The following NCAPG2 variants were observed in gnomAD, a reference collection of about 807,000 sequenced individuals.
NCAPG2 encodes the protein non-SMC condensin II complex subunit G2, also known as condensin-2 complex subunit G2.
A neutral mutation model predicts 141.1 loss-of-function variants in NCAPG2; 53 were observed. That is an observed-to-expected ratio of 0.38 (90% CI 0.30 to 0.47). The LOEUF (loss-of-function observed/expected upper bound fraction) is 0.47, where lower values mean the gene tolerates loss of function less well. Ranked by LOEUF, NCAPG2 falls within the 20% of genes least tolerant of loss-of-function variation. The pLI is 0.99. For missense variants in NCAPG2, 1,087 were observed against 1,389.0 expected, an observed-to-expected ratio of 0.78 and a Z score of 3.46; for synonymous variants, 499 against 490.7, an observed-to-expected ratio of 1.02 and a Z score of -0.22.
chr7:158,668,331 C>CCCTTACCCACAACTGGGTCCCTCTGCCCT (rs1833410164), intron 13 of NCAPG2: 1 of 680,724 alleles, frequency 1.5e-6, no homozygotes. Flanking sequence ...CCTCCGCCCT[C>CCCTTACCCACAACTGGGTCCCTCTGCCCT]CCTTACCCAC....
rs2129457734 is a variant in NCAPG2, at chr7:158,646,556, T to C, written c.3083A>G (p.Asp1028Gly). The part of the protein sequence containing the change: ...EISHQLRKVS[D>G]VEELTPPEHL... The stretch of plus-strand genomic sequence containing the variant: ...CTCTGGAGGGGTAAGCTCTTCTACG[T>C]CAGAAACCTAAAAAAGTTCCAAATC... The change falls in exon 25 of 28, where the codon GAC becomes GGC. Residue 1028 changes from aspartate (D) to glycine (G), a missense_variant. Transcript: ENST00000356309. The C allele has an allele frequency of 1.3e-6, 2 of 1,571,648 alleles. No homozygotes were observed. The highest frequency in any genetic ancestry group is 2.4e-5 in the South Asian group (2 of 84,242).
intron 6 of NCAPG2, among the ~76,000 whole-genome samples, chr7:158,689,198 T>C (rs1044381735): frequency 2.6e-5 from 4 of 152,252 alleles, no homozygotes; most frequent in Admixed American, 2.6e-4. Flanking sequence ...CAATATTTAA[T>C]ATAACAGACA....
At chr7:158,671,408 A>T (rs1417446951) in intron 13 of NCAPG2, 106 bp downstream of exon 13, 1 of 1,328,272 alleles carries the variant, frequency 7.5e-7, no homozygotes, top group African/African-American at 1.5e-5. Context: ...TGGTCAAATC[A>T]TATCAGTTAT....
chr7:158,674,936 T>C (rs538695725), intron 12 of NCAPG2, among the ~76,000 whole-genome samples: 2 of 152,304 alleles, frequency 1.3e-5, no homozygotes, highest in South Asian at 4.1e-4. Flanking sequence ...CTCCCTCTGG[T>C]TCATTCCACA....
chr7:158,689,950 C>T lies in NCAPG2; in HGVS notation c.541G>A (p.Ala181Thr). 6.4e-7 allele frequency: 1 copy of T among 1,555,358 alleles called. No homozygotes were observed. The highest frequency in any genetic ancestry group is 8.6e-7 in the Non-Finnish European group (1 of 1,156,460). ...ATACGCCAAAGCCGACATACGTCTG[C>T]ACCCTAGGAATGACACAAAAAATGT... ...LRRSLETKTG[A>T]DVCRLWRIHQ... Residue 181 changes from alanine (A) to threonine (T), a missense_variant, in exon 6 of 28, where the codon GCA becomes ACA. Coordinates refer to ENST00000356309, the MANE Select transcript of NCAPG2 (RefSeq NM_017760.7).
At chr7:158,689,734 G>A (rs1157510796) in intron 6 of NCAPG2, 85 bp downstream of exon 6, 2 of 1,289,482 alleles carry the variant, frequency 1.6e-6, no homozygotes, top group Middle Eastern at 2.0e-4. Context: ...ACCGAGCATG[G>A]TGCAGACAGG....
chr7:158,661,421 G>C (rs1370625767), intron 16 of NCAPG2, among the ~76,000 whole-genome samples: 1 of 152,046 alleles, frequency 6.6e-6, no homozygotes, highest in African/African-American at 2.4e-5. Context: ...GAATGAGAAG[G>C]TCCTGCATGC....
intron 13 of NCAPG2, among the ~76,000 whole-genome samples, chr7:158,667,405 CTCCTTACCCACTACT>C (rs1833121458): frequency 4.3e-5 from 2 of 46,442 alleles, no homozygotes; most frequent in Non-Finnish European, 5.6e-5. Context: ...TCCCTCCGCC[CTCCTTACCCACTACT>C]GGGTCCCTCC....
Position 158,683,327 on chromosome 7 carries a change from C to T in NCAPG2, c.897G>A (p.Arg299=). The change falls in exon 9 of 28, where the codon AGG becomes AGA. Residue 299 remains arginine (R), a synonymous_variant. Transcript: ENST00000356309. ...CCCGCACTTTGGAATGCACTGGAGA[C>T]CTCCTCGGAAGGTGTATCCCGTGGA... ...FMFHGIHLPR[R]SPVHSKVREV... is the part of the protein sequence containing the mutation. 2 of 1,604,356 alleles carry T rather than the reference C, an allele frequency of 1.2e-6. No homozygotes were observed. Among genetic ancestry groups the T allele is most frequent in the Middle Eastern group, 1.7e-4 (1 of 6,040 alleles).
In NCAPG2 at chr7:158,656,343, T is replaced by C. The variant is rs745757103; in HGVS notation, c.2305A>G (p.Thr769Ala). ...LALVYIEYLL[T>A]HPKNRECLLS... ...AAGCACTCGCGGTTCTTTGGATGAG[T>C]CAGCAGATACTCAATGTAGACCAAT... The change falls in exon 19 of 28, where the codon ACT (threonine) becomes GCT (alanine). Residue 769 changes from threonine to alanine, a missense_variant. By Grantham distance (58) the Thr-to-Ala change is moderately conservative. Coordinates refer to ENST00000356309, the MANE Select transcript of NCAPG2 (RefSeq NM_017760.7). The C allele has an allele frequency of 6.2e-7, 1 of 1,614,116 alleles. No individual in the cohort carries two copies. Among genetic ancestry groups the C allele is most frequent in the East Asian group, 2.2e-5 (1 of 44,882 alleles).
At chr7:158,666,116 C>T (rs1832912870) in intron 13 of NCAPG2, among the ~76,000 whole-genome samples, 1 of 152,158 alleles carries the variant, frequency 6.6e-6, no homozygotes, top group Non-Finnish European at 1.5e-5. Context: ...CTGACTGAAG[C>T]CTTGGAAATT....
chr7:158,657,665 A>T (rs532976026), intron 17 of NCAPG2, among the ~76,000 whole-genome samples: 3 of 152,344 alleles, frequency 2.0e-5, no homozygotes, highest in Non-Finnish European at 4.4e-5. Context: ...TCAACAGCTC[A>T]TTGAGAACAA....
In NCAPG2 at chr7:158,701,469, TG is replaced by T. The variant is rs1319968260; in HGVS notation, c.78+352del. On this transcript the variant is annotated intron_variant, in intron 2 of 27. Coordinates refer to ENST00000356309, the MANE Select transcript of NCAPG2 (RefSeq NM_017760.7). ...AAGATAAAGTCTGAATTCCTTAAAA[TG>T]GTAAAGACTCGTGTAGCCTAGCCCC... Among the ~76,000 whole-genome samples the T allele has an allele frequency of 2.0e-5, 3 of 152,200 alleles. No homozygotes were observed. The East Asian group carries it at 5.8e-4, about 29-fold the overall frequency.
At chr7:158,689,207 C>T (rs1563572925) in intron 6 of NCAPG2, among the ~76,000 whole-genome samples, 5 of 152,068 alleles carry the variant, frequency 3.3e-5, no homozygotes. Flanking sequence ...ATATAACAGA[C>T]AATAAAAATA....
In NCAPG2 at chr7:158,672,284, GTGTGTGTGTATATATATATATA is replaced by G. The variant is rs1377852793; in HGVS notation, c.1327-640_1327-619del. Among the ~76,000 whole-genome samples the G allele has an allele frequency of 5.1e-3, 363 of 70,718 alleles. 12 individuals carry two copies. Among genetic ancestry groups the G allele is most frequent in the African/African-American group, 0.017 (274 of 15,730 alleles). The allele number at this position is 70,718 out of a possible 152,430, so 46.4% of individuals were successfully genotyped here. A position where few individuals can be genotyped will look rare whatever the true frequency, so the allele number is the denominator to read the frequency against. ...TATACGGTATTCCAAACACATGTGT[GTGTGTGTGTATATATATATATA>G]TATATATATATATATATATATATTT... On this transcript the variant is annotated intron_variant, in intron 12 of 27. Transcript: ENST00000356309.
Position 158,697,138 on chromosome 7 carries a change from T to A in NCAPG2, c.79-3641A>T, listed in dbSNP as rs575395706. ...CTTCAAGAGAAATTCCTGAAGGCAA[T>A]GTTATCATAGGAGATGAGATGACAG... On this transcript the variant is annotated intron_variant, in intron 2 of 27. Coordinates refer to ENST00000356309, the MANE Select transcript of NCAPG2 (RefSeq NM_017760.7). Among the ~76,000 whole-genome samples the A allele has an allele frequency of 1.6e-4, 24 of 152,288 alleles. 1 individual carries two copies. Among genetic ancestry groups the A allele is most frequent in the African/African-American group, 5.3e-4 (22 of 41,546 alleles).
At chr7:158,643,512 T>G (rs771167518) in intron 27 of NCAPG2, among the ~76,000 whole-genome samples, 1 of 152,224 alleles carries the variant, frequency 6.6e-6, no homozygotes, top group Admixed American at 6.5e-5. Flanking sequence ...GAGCATTAAG[T>G]GTATTGTGTC....
At chr7:158,636,024 T>C (rs1830171987) in intron 27 of NCAPG2, among the ~76,000 whole-genome samples, 2 of 152,154 alleles carry the variant, frequency 1.3e-5, no homozygotes, top group African/African-American at 4.8e-5. Context: ...CATATTTAAG[T>C]AAGAAGCCAA....
Position 158,652,558 on chromosome 7 carries a change from CAT to C in NCAPG2, c.2747-80_2747-79del, listed in dbSNP as rs1400377307. On this transcript the variant is annotated intron_variant, in intron 22 of 27. Coordinates refer to ENST00000356309, the MANE Select transcript of NCAPG2 (RefSeq NM_017760.7). The stretch of plus-strand genomic sequence containing the variant: ...ATCATTACACATTTCTCACTTAACA[CAT>C]GTATAAAATGGTAACAAAAAAGAGA... The C allele has an allele frequency of 2.2e-5, 26 of 1,158,652 alleles. No homozygotes were observed. In the African/African-American group the frequency reaches 3.1e-4, roughly 14 times the overall value. 71.8% of individuals were successfully genotyped at this position (1,158,652 alleles called of 1,614,324 possible).
Sources: allele counts gnomAD v4.1 joint callset (sites outside exome capture counted in the v4.1 genomes callset), GRCh38; gene constraint gnomAD v4.1.1; transcripts MANE v1.5; gene names NCBI Gene and HGNC (gene_info 2026-07-23, HGNC 2026-07-21).